The following C2CD2 variants were observed in gnomAD, a reference collection of about 807,000 sequenced individuals.
C2CD2 encodes C2 calcium dependent domain containing 2, also known as C2 domain-containing protein 2.
A neutral mutation model predicts 74.3 loss-of-function variants in C2CD2; 43 were observed. The observed-to-expected ratio is 0.58, with a 90% CI of 0.45 to 0.75. The LOEUF (loss-of-function observed/expected upper bound fraction) is 0.75. C2CD2 is among the 30% of genes least tolerant of loss of function. The probability of loss-of-function intolerance (pLI) is 0.00; values close to 1 mark genes in which losing one functional copy is unlikely to be tolerated. For synonymous variants in C2CD2, 422 were observed against 390.7 expected (o/e 1.08, Z -0.94); for missense variants, 801 against 916.3 (o/e 0.87, Z 1.63).
Position 41,931,569 on chromosome 21 carries a change from C to T in C2CD2, c.379-9484G>A, listed in dbSNP as rs140907867. The stretch of plus-strand genomic sequence containing the variant: ...TCCCAAGCAGCTGGGACTACAGGCG[C>T]GTGCCACCACGCCCAGCTAATTTTT... On this transcript the variant is annotated intron_variant, in intron 2 of 13. Coordinates refer to ENST00000380486, the MANE Select transcript of C2CD2 (RefSeq NM_015500.2). Among the ~76,000 whole-genome samples the T allele has an allele frequency of 3.3e-5, 5 of 149,472 alleles. 1 individual carries two copies. Among genetic ancestry groups the T allele is most frequent in the Non-Finnish European group, 6.0e-5 (4 of 66,676 alleles).
In C2CD2 at chr21:41,912,498, T is replaced by A. The variant is rs569941678; in HGVS notation, c.845-58A>T. ...TTTATTTTTATTATTTATTTATTTT[T>A]TTTTTTTTTTGAGACAGAGTCTCGC... On this transcript the variant is annotated intron_variant, in intron 6 of 13. Coordinates refer to ENST00000380486, the MANE Select transcript of C2CD2 (RefSeq NM_015500.2). The A allele has an allele frequency of 1.0e-3, 730 of 723,206 alleles. 1 individual carries two copies. The highest frequency in any genetic ancestry group is 4.6e-3 in the South Asian group (129 of 28,140). The allele number at this position is 723,206 out of a possible 1,614,324, so 44.8% of individuals were successfully genotyped here.
Position 41,953,583 on chromosome 21 carries a change from G to A in C2CD2, c.66C>T (p.Phe22=), listed in dbSNP as rs1037352729. 5 of 1,498,994 alleles carry A rather than the reference G, an allele frequency of 3.3e-6. No individual in the cohort carries two copies. The African/African-American group carries it at 5.8e-5, about 17-fold the overall frequency. 92.9% of individuals were successfully genotyped at this position (1,498,994 alleles called of 1,614,324 possible). Residue 22 remains phenylalanine, a synonymous_variant, in exon 1 of 14, where the codon TTC becomes TTT. Coordinates refer to ENST00000380486, the MANE Select transcript of C2CD2 (RefSeq NM_015500.2). The part of the protein sequence containing the change: ...EAQWLALVSL[F]VAALATVGLY... ...GGCCTACCGTGGCCAGGGCCGCGAC[G>A]AAGAGCGACACCAGCGCGAGCCACT...
Position 41,939,972 on chromosome 21 carries a change from C to T in C2CD2, c.378+2175G>A, listed in dbSNP as rs370805739. On this transcript the variant is annotated intron_variant, in intron 2 of 13. Coordinates refer to ENST00000380486, the MANE Select transcript of C2CD2 (RefSeq NM_015500.2). The surrounding 1 kb of genome is among the most constrained non-coding windows in gnomAD (Gnocchi z 5.5). ...CACTGTCTGTGCGGACTGAGCATCC[C>T]GAATCCGAACATCCCAAATCTGAAA... Among the ~76,000 whole-genome samples the T allele has an allele frequency of 2.0e-5, 3 of 152,248 alleles. No individual in the cohort carries two copies. Among genetic ancestry groups the T allele is most frequent in the African/African-American group, 2.4e-5 (1 of 41,536 alleles).
intron 2 of C2CD2, among the ~76,000 whole-genome samples, chr21:41,930,256 CG>C (rs2065251105): frequency 1.3e-5 from 2 of 149,842 alleles, no homozygotes; most frequent in African/African-American, 4.9e-5. Context: ...TAAGCTTTCC[CG>C]GTAGGCAGTT....
intron 13 of C2CD2, chr21:41,894,627 G>A (rs756664055): frequency 2.2e-6 from 1 of 455,562 alleles, no homozygotes; most frequent in African/African-American, 2.0e-5. Context: ...AATCCTGCAA[G>A]GACTCGGGCG....
At chr21:41,919,078 CTA>C (rs1270181298) in intron 3 of C2CD2, 118 bp from the exon 4 acceptor site, 1 of 736,622 alleles carries the variant, frequency 1.4e-6, no homozygotes, top group Non-Finnish European at 2.4e-6. Flanking sequence ...GAGCATGTGT[CTA>C]TGTGAGCATA....
rs1279476603 is a variant in C2CD2 at position 41,886,244 on chromosome 21, A to G, written c.*2880T>C. Reference sequence around the variant, plus strand: ...TTCATCCAGACAAAAGCCAAAAACAAAAGCCCTCAAGCCACAAAAGCTTGT... The same window carrying G: ...TTCATCCAGACAAAAGCCAAAAACAGAAGCCCTCAAGCCACAAAAGCTTGT... On this transcript the variant is annotated 3_prime_UTR_variant, in exon 14 of 14. Transcript: ENST00000380486. 6.6e-6 allele frequency: 1 copy of G among 152,354 alleles called. No individual in the cohort carries two copies. Among genetic ancestry groups the G allele is most frequent in the East Asian group, 1.9e-4 (1 of 5,186 alleles). The allele number at this position is 152,354 out of a possible 1,614,324, so 9.4% of individuals were successfully genotyped here. A position where few individuals can be genotyped will look rare whatever the true frequency, so the allele number is the denominator to read the frequency against.
chr21:41,951,002 G>T (rs1362590969), intron 1 of C2CD2, among the ~76,000 whole-genome samples: 1 of 152,172 alleles, frequency 6.6e-6, no homozygotes, highest in African/African-American at 2.4e-5. Context: ...GGCGAGAGCG[G>T]GCTTGGAGTG....
At chr21:41,905,310 CTTTT>C (rs137969894) in intron 11 of C2CD2, among the ~76,000 whole-genome samples, 5,115 of 125,152 alleles carry the variant, frequency 0.041, 336 homozygotes, top group African/African-American at 0.14. Flanking sequence ...CAAATCAAAA[CTTTT>C]TTTTTTTTTT....
rs761829721 is a variant in C2CD2 at position 41,918,123 on chromosome 21, C to T, written c.702G>A (p.Thr234=). Residue 234 remains threonine (T), a synonymous_variant, in exon 5 of 14, where the codon ACG becomes ACA. Coordinates refer to ENST00000380486, the MANE Select transcript of C2CD2 (RefSeq NM_015500.2). ...AGTTTACCTGAGCTTCCTTTACAGT[C>T]GTGGGCTTGGTAATCAGAACCACTG... is the stretch of plus-strand genomic sequence containing the variant. ...SPSVVLITKP[T]TVKEAQNLQC... is the part of the protein sequence containing the mutation. 6.8e-6 allele frequency: 11 copies of T among 1,614,012 alleles called. No homozygotes were observed. The East Asian group carries it at 8.9e-5, about 13-fold the overall frequency.
At position 41,953,484 on chromosome 21, in the gene C2CD2, C is replaced by A; in HGVS notation, c.165G>T (p.Gly55=). 1 of 1,482,568 alleles carries A rather than the reference C, an allele frequency of 6.7e-7. No homozygotes were observed. Among genetic ancestry groups the A allele is most frequent in the Non-Finnish European group, 9.0e-7 (1 of 1,114,610 alleles). 91.8% of individuals were successfully genotyped at this position (1,482,568 alleles called of 1,614,324 possible). ...PQRRAVEPGE[G]PRPGSDALLS... is the part of the protein sequence containing the mutation. Reference sequence around the variant, plus strand: ...GCAGCGCGTCGGACCCCGGGCGCGGCCCCTCTCCAGGCTCCACCGCCCGCC... The same window carrying A: ...GCAGCGCGTCGGACCCCGGGCGCGGACCCTCTCCAGGCTCCACCGCCCGCC... Residue 55 remains glycine, a synonymous_variant, in exon 1 of 14, where the codon GGG becomes GGT. Transcript: ENST00000380486.
intron 6 of C2CD2, 35 bp downstream of exon 6, chr21:41,914,563 C>G (rs1258114208): frequency 6.2e-7 from 1 of 1,604,218 alleles, no homozygotes; most frequent in Non-Finnish European, 8.5e-7. Context: ...GCTGGAAGAG[C>G]CCCTCCAGGC....
intron 13 of C2CD2, among the ~76,000 whole-genome samples, chr21:41,897,936 GC>G (rs1007740308): frequency 6.6e-6 from 1 of 152,228 alleles, no homozygotes; most frequent in African/African-American, 2.4e-5. Context: ...TTCACTAGAT[GC>G]CGACTGCACC....
intron 1 of C2CD2, among the ~76,000 whole-genome samples, chr21:41,947,872 C>CCCCACGGGCCCT (rs1331758096): frequency 6.6e-6 from 1 of 152,180 alleles, no homozygotes; most frequent in African/African-American, 2.4e-5. Context: ...TCCAGAGCTT[C>CCCCACGGGCCCT]CCCACGGGCC....
In C2CD2 at chr21:41,942,186, C is replaced by T. The variant is rs61731656; in HGVS notation, c.339G>A (p.Val113=). The T allele has an allele frequency of 0.018, 27,283 of 1,549,470 alleles. 326 individuals are homozygous for T. The highest frequency in any genetic ancestry group is 0.046 in the Middle Eastern group (204 of 4,444). Residue 113 remains valine, a synonymous_variant, in exon 2 of 14, where the codon GTG becomes GTA. Coordinates refer to ENST00000380486, the MANE Select transcript of C2CD2 (RefSeq NM_015500.2). The part of the protein sequence containing the change: ...DPRQQALELV[V]QEVSSVLRSA... Reference sequence around the variant, plus strand: ...ACCTGAGCACGCTGGAGACCTCCTGCACCACCAGCTCCAGTGCCTGCTGCC... The same window carrying T: ...ACCTGAGCACGCTGGAGACCTCCTGTACCACCAGCTCCAGTGCCTGCTGCC...
chr21:41,940,166 A>G (rs1435381236), intron 2 of C2CD2, among the ~76,000 whole-genome samples: 3 of 152,224 alleles, frequency 2.0e-5, no homozygotes, highest in Non-Finnish European at 4.4e-5. Flanking sequence ...AATTTCAGGT[A>G]AGGGATACTC....
At chr21:41,890,139 T>C (rs1010823256) in intron 13 of C2CD2, among the ~76,000 whole-genome samples, 1 of 152,256 alleles carries the variant, frequency 6.6e-6, no homozygotes, top group Non-Finnish European at 1.5e-5. Flanking sequence ...ATTCACTTTC[T>C]TAGGAATGTT....
At chr21:41,938,768 G>C (rs1348198302) in intron 2 of C2CD2, among the ~76,000 whole-genome samples, 1 of 146,214 alleles carries the variant, frequency 6.8e-6, no homozygotes, top group Non-Finnish European at 1.5e-5. Flanking sequence ...TTGAGATGGA[G>C]TCTCACTTTG....
intron 13 of C2CD2, chr21:41,894,839 A>C (rs905354453): frequency 2.2e-6 from 1 of 456,630 alleles, no homozygotes; most frequent in African/African-American, 2.0e-5. Context: ...GCCAGTGCAC[A>C]CTAAATAGCC....
Sources: gnomAD v4.1 joint callset for allele counts (sites outside exome capture counted in the v4.1 genomes callset) on GRCh38, gnomAD v4.1.1 for gene constraint, Gnocchi (gnomAD v3.1) non-coding constraint, MANE v1.5 for transcripts, NCBI Gene and HGNC (gene_info 2026-07-23, HGNC 2026-07-21) for gene names.